The following FXYD5 variants were observed in gnomAD, a reference collection of about 807,000 sequenced individuals.
The protein encoded by FXYD5 is FXYD domain-containing ion transport regulator 5.
Under a neutral mutation model 25.7 loss-of-function variants are expected in FXYD5, and 21 were observed. That is an observed-to-expected ratio of 0.82 (90% CI 0.58 to 1.18). The LOEUF is 1.18. FXYD5 is among the 50% of genes most tolerant of loss of function. The pLI, the probability that FXYD5 is intolerant of heterozygous loss-of-function variation, is 0.00. For missense variants in FXYD5, 229 were observed against 227.7 expected, an observed-to-expected ratio of 1.01 and a Z score of -0.04; for synonymous variants, 101 against 90.7, an observed-to-expected ratio of 1.11 and a Z score of -0.64.
At chr19:35,155,909 C>G (rs760968552) in intron 2 of FXYD5, among the ~76,000 whole-genome samples, 1 of 152,204 alleles carries the variant, frequency 6.6e-6, no homozygotes, top group Non-Finnish European at 1.5e-5. Context: ...AGATTGGTGT[C>G]GGTTTTCTAC....
At chr19:35,166,361 C>G in intron 8 of FXYD5, 36 bp downstream of exon 8, 1 of 1,333,772 alleles carries the variant, frequency 7.5e-7, no homozygotes. Flanking sequence ...GACACCAAGA[C>G]CAGGAGGGGG....
intron 8 of FXYD5, among the ~76,000 whole-genome samples, chr19:35,168,527 G>T (rs1036079184): frequency 6.6e-6 from 1 of 152,178 alleles, no homozygotes; most frequent in African/African-American, 2.4e-5. Flanking sequence ...GACAGGGTAG[G>T]TTGGGGGAGA....
chr19:35,156,689 G>A (rs1328408488), intron 2 of FXYD5, among the ~76,000 whole-genome samples: 3 of 152,154 alleles, frequency 2.0e-5, no homozygotes, highest in East Asian at 1.9e-4. Context: ...GTGGGATGAC[G>A]AGAGGACAGA....
Position 35,158,379 on chromosome 19 carries a change from A to C in FXYD5, c.178A>C (p.Thr60Pro). 1 of 1,603,688 alleles carries C rather than the reference A, an allele frequency of 6.2e-7. No homozygotes were observed. Among genetic ancestry groups the C allele is most frequent in the Non-Finnish European group, 8.5e-7 (1 of 1,170,876 alleles). The change falls in exon 4 of 9, where the codon ACC becomes CCC. Residue 60 changes from threonine (T) to proline (P), a missense_variant. By Grantham distance (38) the Thr-to-Pro change is conservative. Transcript: ENST00000392219. The stretch of plus-strand genomic sequence containing the variant: ...CACAGAACTCCAGCCCACCTCTCCA[A>C]CCCCAACCTGGCCTGCTGATGGTGA... ...VYTELQPTSP[T>P]PTWPADETPQ...
At chr19:35,164,022 G>A (rs1169704205) in intron 5 of FXYD5, 134 bp from the exon 6 acceptor site, 1 of 1,535,690 alleles carries the variant, frequency 6.5e-7, no homozygotes, top group Non-Finnish European at 8.8e-7. Flanking sequence ...GGAGTAGGGG[G>A]GATGCCTGAC....
At chr19:35,159,838 A>C (rs2065389215) in intron 4 of FXYD5, 2 of 606,968 alleles carry the variant, frequency 3.3e-6, no homozygotes, top group Non-Finnish European at 5.5e-6. Flanking sequence ...AAGTCCAGGA[A>C]TCTGGCACCA....
rs1407426840 is a variant in FXYD5, at chr19:35,164,203, A to G, written c.340A>G (p.Ser114Gly). The G allele has an allele frequency of 6.8e-6, 11 of 1,613,914 alleles. No individual in the cohort carries two copies. Among genetic ancestry groups the G allele is most frequent in the Non-Finnish European group, 8.5e-6 (10 of 1,179,992 alleles). ...TTTLSERPSP[S>G]TDVQTDPQTL... ...GACGCTCTCTGAGAGACCATCCCCA[A>G]GCACAGACGTCCAGACAGACCCCCA... The change falls in exon 6 of 9, where the codon AGC (serine) becomes GGC (glycine). Residue 114 changes from serine to glycine, a missense_variant. Coordinates refer to ENST00000392219, the MANE Select transcript of FXYD5 (RefSeq NM_014164.6).
At chr19:35,169,062 CAA>C (rs58642459) in intron 8 of FXYD5, among the ~76,000 whole-genome samples, 38 of 127,252 alleles carry the variant, frequency 3.0e-4, no homozygotes, top group African/African-American at 9.7e-4. Flanking sequence ...GACTCTGTCT[CAA>C]AAAAAAAAAA....
intron 2 of FXYD5, 126 bp downstream of exon 2, chr19:35,155,737 G>A (rs1032744825): frequency 6.7e-6 from 5 of 748,500 alleles, no homozygotes; most frequent in Admixed American, 3.9e-5. Context: ...CCGCTGAGCC[G>A]GCACCAGGAA....
At chr19:35,164,316 A>G (rs933457322) in intron 6 of FXYD5, 71 bp downstream of exon 6, 13 of 1,430,254 alleles carry the variant, frequency 9.1e-6, no homozygotes, top group Admixed American at 6.1e-5. Flanking sequence ...CACCTGGAGT[A>G]CAGCCCAGCA....
At chr19:35,164,078 T>A (rs767320222) in intron 5 of FXYD5, 78 bp from the exon 6 acceptor site, 1 of 1,606,866 alleles carries the variant, frequency 6.2e-7, no homozygotes, top group South Asian at 1.1e-5. Flanking sequence ...TTCTTCCAGA[T>A]GCAGACTCTC....
Position 35,164,213 on chromosome 19 carries a change from T to A in FXYD5, c.350T>A (p.Val117Asp). The A allele has an allele frequency of 6.2e-7, 1 of 1,613,764 alleles. No individual in the cohort carries two copies. The highest frequency in any genetic ancestry group is 8.5e-7 in the Non-Finnish European group (1 of 1,179,850). Residue 117 changes from valine (V) to aspartate (D), a missense_variant, in exon 6 of 9, where the codon GTC becomes GAC. Val to Asp is a radical substitution (Grantham distance 152). Transcript: ENST00000392219. ...GAGAGACCATCCCCAAGCACAGACG[T>A]CCAGACAGACCCCCAGACCCTCAAG... is the stretch of plus-strand genomic sequence containing the variant. Reference protein sequence around the residue: ...LSERPSPSTDVQTDPQTLKPS... With the variant: ...LSERPSPSTDDQTDPQTLKPS...
At chr19:35,168,810 C>T (rs903429099) in intron 8 of FXYD5, among the ~76,000 whole-genome samples, 1 of 152,180 alleles carries the variant, frequency 6.6e-6, no homozygotes, top group African/African-American at 2.4e-5. Flanking sequence ...CGTATGTAAT[C>T]CCAGGACTTT....
intron 1 of FXYD5, 81 bp from the exon 2 acceptor site, chr19:35,155,470 A>AGGGCTGCAGGATCCCCGG: frequency 8.6e-7 from 1 of 1,164,116 alleles, no homozygotes; most frequent in South Asian, 1.2e-5. Flanking sequence ...GGGCAGGGAA[A>AGGGCTGCAGGATCCCCGG]GGGCTGCAGG....
intron 3 of FXYD5, 28 bp downstream of exon 3, chr19:35,157,529 T>A (rs1484739196): frequency 9.1e-7 from 1 of 1,103,674 alleles, no homozygotes; most frequent in Non-Finnish European, 1.4e-6. Context: ...TCTATCAAGA[T>A]CCTGTCATTG....
chr19:35,157,475 A>T lies in FXYD5; in HGVS notation c.116A>T (p.Asp39Val), dbSNP rs775268406. Reference sequence around the variant, plus strand: ...TCTTCAGCAGACTCAACTATCATGGACATTCAGGTCCCGACACGAGCCCCA... The same window carrying T: ...TCTTCAGCAGACTCAACTATCATGGTCATTCAGGTCCCGACACGAGCCCCA... Reference protein sequence around the residue: ...SSSSADSTIMDIQVPTRAPDA... With the variant: ...SSSSADSTIMVIQVPTRAPDA... Residue 39 changes from aspartate (D) to valine (V), a missense_variant, in exon 3 of 9, where the codon GAC (aspartate) becomes GTC (valine). Asp to Val is a radical substitution (Grantham distance 152). Transcript: ENST00000392219. 7.6e-6 allele frequency: 12 copies of T among 1,580,484 alleles called. No individual in the cohort carries two copies. The highest frequency in any genetic ancestry group is 1.0e-5 in the Non-Finnish European group (12 of 1,149,604).
At chr19:35,159,800 C>A in intron 4 of FXYD5, 1 of 887,978 alleles carries the variant, frequency 1.1e-6, no homozygotes. Context: ...CAAGGTCTCA[C>A]AACAAGTCAG....
At chr19:35,155,253 G>A (rs1478370702) in intron 1 of FXYD5, 1 of 493,876 alleles carries the variant, frequency 2.0e-6, no homozygotes, top group Non-Finnish European at 3.7e-6. Flanking sequence ...AAGGCGCAGG[G>A]AGGTGTTTCT....
At position 35,155,584 on chromosome 19, in the gene FXYD5, A is replaced by T; in HGVS notation, c.34A>T (p.Ile12Phe). Reference sequence around the variant, plus strand: ...CTCTGGTCGCCTGTGTCTTCTCACCATCGTTGGCCTGATTCTCCCCACCAG... The same window carrying T: ...CTCTGGTCGCCTGTGTCTTCTCACCTTCGTTGGCCTGATTCTCCCCACCAG... ...SPSGRLCLLT[I>F]VGLILPTRGQ... is the part of the protein sequence containing the mutation. Residue 12 changes from isoleucine (I) to phenylalanine (F), a missense_variant, in exon 2 of 9, where the codon ATC becomes TTC. Coordinates refer to ENST00000392219, the MANE Select transcript of FXYD5 (RefSeq NM_014164.6). The T allele has an allele frequency of 6.2e-7, 1 of 1,610,456 alleles. No individual in the cohort carries two copies. The highest frequency in any genetic ancestry group is 1.1e-5 in the South Asian group (1 of 91,048).
Sources: gnomAD v4.1 joint callset for allele counts (sites outside exome capture counted in the v4.1 genomes callset) on GRCh38, gnomAD v4.1.1 for gene constraint, MANE v1.5 for transcripts, NCBI Gene and HGNC (gene_info 2026-07-23, HGNC 2026-07-21) for gene names.